PCP4: variants seen among roughly 807,000 people sequenced by gnomAD.
PCP4 encodes Purkinje cell protein 4.
Under a neutral mutation model 10.0 loss-of-function variants are expected in PCP4, and 8 were observed. The observed-to-expected ratio is 0.80, with a 90% confidence interval of 0.47 to 1.45. The LOEUF (loss-of-function observed/expected upper bound fraction) is 1.45, where lower values mean the gene tolerates loss of function less well. Among genes scored for constraint, PCP4 ranks in the 40% most tolerant of loss-of-function variants. PCP4 has a pLI of 0.00. For missense variants in PCP4, 54 were observed against 74.4 expected (o/e 0.73, Z 1.01); for synonymous variants, 21 against 23.0 (o/e 0.91, Z 0.24).
chr21:39,884,848 A>C (rs1454349460), intron 1 of PCP4, among the ~76,000 whole-genome samples: 1 of 152,004 alleles, frequency 6.6e-6, no homozygotes, highest in East Asian at 1.9e-4. Context: ...TCACCTGAAA[A>C]GTTTATTTGT....
chr21:39,885,570 T>A (rs186036171), intron 1 of PCP4, among the ~76,000 whole-genome samples: 171 of 152,338 alleles, frequency 1.1e-3, no homozygotes, highest in African/African-American at 3.9e-3. Flanking sequence ...TACCTCCATG[T>A]GGTTTGGGGT....
intron 1 of PCP4, among the ~76,000 whole-genome samples, chr21:39,892,182 C>T (rs989225010): frequency 6.6e-6 from 1 of 152,246 alleles, no homozygotes; most frequent in African/African-American, 2.4e-5. Context: ...CACCTCTTGC[C>T]TTCTAGGTCA....
At chr21:39,896,391 G>T (rs1298687814) in intron 1 of PCP4, among the ~76,000 whole-genome samples, 2 of 152,166 alleles carry the variant, frequency 1.3e-5, no homozygotes, top group Non-Finnish European at 2.9e-5. Flanking sequence ...TTCCATCTCG[G>T]ATTTGGTCCA....
chr21:39,889,714 C>G (rs546076424), intron 1 of PCP4, among the ~76,000 whole-genome samples: 32 of 152,212 alleles, frequency 2.1e-4, no homozygotes, highest in African/African-American at 7.7e-4. Context: ...CCGTGCCCAG[C>G]CTCAAACCAA....
intron 2 of PCP4, among the ~76,000 whole-genome samples, chr21:39,918,718 A>G (rs1002426949): frequency 1.3e-5 from 2 of 152,138 alleles, no homozygotes; most frequent in Non-Finnish European, 2.9e-5. Context: ...GAAAATTGCA[A>G]TTCTCCGCAC....
In PCP4 at chr21:39,923,188, C is replaced by T. The variant is rs139443476; in HGVS notation, c.62-5796C>T. Among the ~76,000 whole-genome samples the T allele has an allele frequency of 1.8e-4, 27 of 152,264 alleles. No individual in the cohort carries two copies. In the East Asian group the frequency reaches 3.5e-3, roughly 20 times the overall value. On this transcript the variant is annotated intron_variant, in intron 2 of 2. Coordinates refer to ENST00000328619, the MANE Select transcript of PCP4 (RefSeq NM_006198.3). ...TGAAATACTTCTTAAAAGGAAAAGC[C>T]GTAGACAAGTCAAATGTAGTGGAGT... is the stretch of plus-strand genomic sequence containing the variant.
chr21:39,925,416 A>G (rs2087615795), intron 2 of PCP4, among the ~76,000 whole-genome samples: 1 of 152,230 alleles, frequency 6.6e-6, no homozygotes, highest in Admixed American at 6.5e-5. Flanking sequence ...CTTGCAATCA[A>G]CAGTTGTTAA....
intron 2 of PCP4, among the ~76,000 whole-genome samples, chr21:39,898,964 T>C (rs2087470189): frequency 6.6e-6 from 1 of 152,162 alleles, no homozygotes; most frequent in Admixed American, 6.5e-5. Context: ...GCTGGTCCAC[T>C]GGAAGGTGCT....
chr21:39,906,041 C>G lies in PCP4; in HGVS notation c.61+7514C>G, dbSNP rs2087507048. 6.6e-6 allele frequency among the ~76,000 whole-genome samples: 1 copy of G among 152,184 alleles called. No individual in the cohort carries two copies. Among genetic ancestry groups the G allele is most frequent in the Admixed American group, 6.6e-5 (1 of 15,246 alleles). Reference sequence around the variant, plus strand: ...CTCCAACCTGGGTGACAGAGCGAGACTCCGTCTCAAAATGCTCCCCCATGC... The same window carrying G: ...CTCCAACCTGGGTGACAGAGCGAGAGTCCGTCTCAAAATGCTCCCCCATGC... On this transcript the variant is annotated intron_variant, in intron 2 of 2. Transcript: ENST00000328619. This position sits in a 1 kb window ranked among gnomAD's most constrained non-coding sequence, Gnocchi z 6.3.
At chr21:39,916,867 G>A (rs550026258) in intron 2 of PCP4, among the ~76,000 whole-genome samples, 1 of 152,310 alleles carries the variant, frequency 6.6e-6, no homozygotes, top group African/African-American at 2.4e-5. Flanking sequence ...AACACCACAT[G>A]TTCTCACTTA....
At chr21:39,900,019 A>G (rs1448599358) in intron 2 of PCP4, among the ~76,000 whole-genome samples, 1 of 152,044 alleles carries the variant, frequency 6.6e-6, no homozygotes, top group African/African-American at 2.4e-5. Flanking sequence ...CTTCTCAGAG[A>G]TCCTCTATTG....
Position 39,867,527 on chromosome 21 carries a change from C to A in PCP4, c.9+17C>A. On this transcript the variant is annotated intron_variant, in intron 1 of 2. Transcript: ENST00000328619. ...ATGAGTGAGGTGAGTGATGCTTCGA[C>A]CTGGAGAGGGAAACTTAGGAGTGAG... 6.2e-7 allele frequency: 1 copy of A among 1,613,474 alleles called. No individual in the cohort carries two copies. Among genetic ancestry groups the A allele is most frequent in the Non-Finnish European group, 8.5e-7 (1 of 1,179,444 alleles).
At chr21:39,927,157 TTGAG>T (rs768863955) in intron 2 of PCP4, among the ~76,000 whole-genome samples, 10 of 152,112 alleles carry the variant, frequency 6.6e-5, no homozygotes, top group Non-Finnish European at 1.2e-4. Context: ...TCTAGGAAAA[TTGAG>T]AGGAGGCTGC....
chr21:39,875,851 A>G (rs1176553534), intron 1 of PCP4, among the ~76,000 whole-genome samples: 1 of 152,168 alleles, frequency 6.6e-6, no homozygotes, highest in African/African-American at 2.4e-5. Flanking sequence ...GTAAGAGTTA[A>G]TCATTAAAGG....
intron 1 of PCP4, among the ~76,000 whole-genome samples, chr21:39,885,038 T>C (rs563467433): frequency 6.6e-6 from 1 of 152,372 alleles, no homozygotes; most frequent in South Asian, 2.1e-4. Context: ...TTATAAATGT[T>C]ACTTTATAAT....
intron 2 of PCP4, among the ~76,000 whole-genome samples, chr21:39,898,779 A>G (rs2087469441): frequency 6.6e-6 from 1 of 152,240 alleles, no homozygotes; most frequent in Admixed American, 6.5e-5. Flanking sequence ...CATGGTAATT[A>G]CAATGCAAAT....
chr21:39,871,950 TG>T (rs1298810293), intron 1 of PCP4, among the ~76,000 whole-genome samples: 2 of 152,222 alleles, frequency 1.3e-5, no homozygotes, highest in South Asian at 2.1e-4. Flanking sequence ...AACATGTTTT[TG>T]TAATGGAAAG....
chr21:39,895,411 A>G (rs1230383901), intron 1 of PCP4, among the ~76,000 whole-genome samples: 2 of 152,226 alleles, frequency 1.3e-5, no homozygotes, highest in Non-Finnish European at 2.9e-5. Flanking sequence ...CTGTGGTGTT[A>G]ATGAAGTCAC....
intron 2 of PCP4, among the ~76,000 whole-genome samples, chr21:39,915,893 G>C (rs994229647): frequency 6.6e-6 from 1 of 152,124 alleles, no homozygotes; most frequent in South Asian, 2.1e-4. Context: ...AGAAAAAGGG[G>C]ATAAACAAAG....
Sources: allele counts gnomAD v4.1 joint callset (sites outside exome capture counted in the v4.1 genomes callset), GRCh38; gene constraint gnomAD v4.1.1; non-coding constraint Gnocchi (gnomAD v3.1); transcripts MANE v1.5; gene names NCBI Gene and HGNC (gene_info 2026-07-23, HGNC 2026-07-21).